Variants in GTF3C1 observed in about 807,000 individuals in gnomAD.
GTF3C1 encodes the protein general transcription factor IIIC subunit 1.
In GTF3C1, 57 loss-of-function variants were observed where a neutral mutation model predicts 226.7. That is an observed-to-expected ratio of 0.25 (90% CI 0.20 to 0.31). The LOEUF (loss-of-function observed/expected upper bound fraction) is 0.31. Ranked by LOEUF, GTF3C1 falls within the 10% of genes least tolerant of loss-of-function variation. The probability of loss-of-function intolerance (pLI) is 1.00; values close to 1 mark genes in which losing one functional copy is unlikely to be tolerated. For synonymous variants in GTF3C1, 1,090 were observed against 1,084.8 expected (o/e 1.00, Z -0.09); for missense variants, 2,217 against 2,776.1 (o/e 0.80, Z 4.53).
chr16:27,491,865 A>G (rs760597905), intron 19 of GTF3C1, among the ~76,000 whole-genome samples: 9 of 152,036 alleles, frequency 5.9e-5, no homozygotes, highest in Non-Finnish European at 1.0e-4. Context: ...GCCTCATCCT[A>G]TAGAATTCAG....
chr16:27,489,558 C>T, intron 20 of GTF3C1, 44 bp downstream of exon 20: 1 of 1,512,054 alleles, frequency 6.6e-7, no homozygotes, highest in Admixed American at 1.8e-5. Flanking sequence ...ATGAGCACCA[C>T]CGCAGCCCAG....
intron 4 of GTF3C1, 24 bp from the exon 5 acceptor site, chr16:27,533,411 G>A (rs376545515): frequency 5.2e-6 from 7 of 1,345,016 alleles, no homozygotes; most frequent in Middle Eastern, 1.8e-4. Context: ...CGAGCAATTC[G>A]TTTTTTCAAA....
At chr16:27,480,775 T>C in intron 27 of GTF3C1, 1 of 341,306 alleles carries the variant, frequency 2.9e-6, no homozygotes, top group Admixed American at 4.2e-5. Flanking sequence ...ACTGTGACCT[T>C]GGGCACGTTA....
At chr16:27,528,466 G>A (rs996414717) in intron 6 of GTF3C1, 132 bp downstream of exon 6, 53 of 730,526 alleles carry the variant, frequency 7.3e-5, no homozygotes, top group African/African-American at 7.2e-4. Context: ...GCACTGAGGC[G>A]CAGAGTTAAA....
chr16:27,481,878 C>T (rs1296510808), intron 26 of GTF3C1, among the ~76,000 whole-genome samples: 2 of 152,180 alleles, frequency 1.3e-5, no homozygotes, highest in Admixed American at 1.3e-4. Flanking sequence ...ACTAAGCCCA[C>T]TGGCAGACAC....
chr16:27,505,279 C>T (rs1289759845), intron 10 of GTF3C1, among the ~76,000 whole-genome samples: 1 of 152,204 alleles, frequency 6.6e-6, no homozygotes, highest in East Asian at 1.9e-4. Flanking sequence ...TTTATTGTAT[C>T]TATTCTATGA....
chr16:27,547,223 T>A (rs1156684897), intron 1 of GTF3C1, among the ~76,000 whole-genome samples: 1 of 152,100 alleles, frequency 6.6e-6, no homozygotes, highest in African/African-American at 2.4e-5. Context: ...CCAACCACAC[T>A]ACACTCTCTC....
At chr16:27,494,567 ATCTAG>A (rs1406748345) in intron 16 of GTF3C1, among the ~76,000 whole-genome samples, 191 bp downstream of exon 16, 3 of 152,076 alleles carry the variant, frequency 2.0e-5, no homozygotes, top group Admixed American at 2.0e-4. Flanking sequence ...TTCTAATCTA[ATCTAG>A]TCTAATCTAT....
intron 29 of GTF3C1, among the ~76,000 whole-genome samples, chr16:27,474,017 G>C (rs901786616): frequency 6.6e-6 from 1 of 152,198 alleles, no homozygotes; most frequent in African/African-American, 2.4e-5. Flanking sequence ...GGTGAGTTGG[G>C]GGGTATCGTC....
At chr16:27,543,387 AAAAT>A (rs963845669) in intron 2 of GTF3C1, among the ~76,000 whole-genome samples, 25 of 152,224 alleles carry the variant, frequency 1.6e-4, no homozygotes, top group Non-Finnish European at 2.9e-4. Flanking sequence ...CTCTGTCTCA[AAAAT>A]AAATAAATAA....
chr16:27,472,434 C>A (rs2087889634), intron 29 of GTF3C1, among the ~76,000 whole-genome samples: 1 of 151,828 alleles, frequency 6.6e-6, no homozygotes, highest in South Asian at 2.1e-4. Flanking sequence ...TTTCCCCAAT[C>A]CCTGACCATT....
At chr16:27,541,457 T>C (rs1343796107) in intron 2 of GTF3C1, among the ~76,000 whole-genome samples, 2 of 152,200 alleles carry the variant, frequency 1.3e-5, no homozygotes, top group African/African-American at 4.8e-5. Context: ...CCAGGCATAT[T>C]ATTATAGAAC....
In GTF3C1 at chr16:27,539,885, T is replaced by C. The variant is rs555514526; in HGVS notation, c.432-1529A>G. On this transcript the variant is annotated intron_variant, in intron 2 of 36. Coordinates refer to ENST00000356183, the MANE Select transcript of GTF3C1 (RefSeq NM_001520.4). ...GAACCAAACAGACTTCTGTTCTTTA[T>C]AAATTACCCAGTTTGTGGTATTCTG... Among the ~76,000 whole-genome samples, 7 of 152,286 alleles carry C rather than the reference T, an allele frequency of 4.6e-5. No individual in the cohort carries two copies. In the East Asian group the frequency reaches 1.4e-3, roughly 29 times the overall value.
Position 27,492,247 on chromosome 16 carries a change from G to A in GTF3C1, c.3151+91C>T. On this transcript the variant is annotated intron_variant, in intron 19 of 36. Transcript: ENST00000356183. This position sits in a 1 kb window ranked among gnomAD's most constrained non-coding sequence, Gnocchi z 5.0. The stretch of plus-strand genomic sequence containing the variant: ...CACTCGGAACATACCACTGGTTGAG[G>A]CAACTCCTAGGCTTTTCTAGCCCTA... 1 of 769,936 alleles carries A rather than the reference G, an allele frequency of 1.3e-6. No individual in the cohort carries two copies. The allele number at this position is 769,936 out of a possible 1,614,324, so 47.7% of individuals were successfully genotyped here. A position where few individuals can be genotyped will look rare whatever the true frequency, so the allele number is the denominator to read the frequency against.
chr16:27,528,763 G>C, intron 5 of GTF3C1, 42 bp from the exon 6 acceptor site: 1 of 1,589,122 alleles, frequency 6.3e-7, no homozygotes, highest in Non-Finnish European at 8.6e-7. Flanking sequence ...GACACAGCAA[G>C]ATGTCTGAAA....
intron 2 of GTF3C1, among the ~76,000 whole-genome samples, chr16:27,539,319 G>T (rs1366037122): frequency 6.6e-6 from 1 of 152,152 alleles, no homozygotes; most frequent in Non-Finnish European, 1.5e-5. Flanking sequence ...ATGTGAGAAA[G>T]AATGCACCAA....
intron 6 of GTF3C1, 149 bp from the exon 7 acceptor site, chr16:27,512,050 A>T: frequency 1.2e-6 from 1 of 835,598 alleles, no homozygotes; most frequent in Non-Finnish European, 1.8e-6. Flanking sequence ...ACTTTTAAAA[A>T]TGGCTCATCT....
intron 26 of GTF3C1, among the ~76,000 whole-genome samples, chr16:27,481,876 C>G (rs1344607182): frequency 6.6e-6 from 1 of 152,184 alleles, no homozygotes. Context: ...TTACTAAGCC[C>G]ACTGGCAGAC....
chr16:27,465,134 T>C (rs1027629240), intron 33 of GTF3C1, 126 bp downstream of exon 33: 1 of 846,040 alleles, frequency 1.2e-6, no homozygotes, highest in Admixed American at 2.2e-5. Flanking sequence ...TGTTAATGAC[T>C]AATTCAACGT....
Sources: gnomAD v4.1 joint callset for allele counts (sites outside exome capture counted in the v4.1 genomes callset) on GRCh38, gnomAD v4.1.1 for gene constraint, Gnocchi (gnomAD v3.1) non-coding constraint, MANE v1.5 for transcripts, NCBI Gene and HGNC (gene_info 2026-07-23, HGNC 2026-07-21) for gene names.